SH3GL3: variants seen among roughly 807,000 people sequenced by gnomAD.
The protein encoded by SH3GL3 is SH3 domain containing GRB2 like 3, endophilin A3.
SH3GL3 carries 33 observed loss-of-function variants against 47.7 expected under a neutral mutation model. That is an observed-to-expected ratio of 0.69 (90% CI 0.52 to 0.92). The LOEUF is 0.92. Among genes scored for constraint, SH3GL3 ranks in the 40% least tolerant of loss-of-function variants. The probability of loss-of-function intolerance (pLI) is 0.00; values close to 1 mark genes in which losing one functional copy is unlikely to be tolerated. For synonymous variants in SH3GL3, 155 were observed against 148.8 expected (o/e 1.04, Z -0.30); for missense variants, 363 against 417.8 (o/e 0.87, Z 1.14).
chr15:83,511,005 G>C (rs553851402), intron 1 of SH3GL3, among the ~76,000 whole-genome samples: 1 of 151,908 alleles, frequency 6.6e-6, no homozygotes, highest in African/African-American at 2.4e-5. Context: ...GGTGGGGAGA[G>C]GGGGGCGGGA....
rs111704318 is a variant in SH3GL3, at chr15:83,565,426, C to T, written c.187+220C>T. The T allele has an allele frequency of 6.7e-4, 329 of 493,620 alleles. 4 individuals are homozygous for T. The highest frequency in any genetic ancestry group is 5.6e-3 in the South Asian group (217 of 38,634). 30.6% of individuals were successfully genotyped at this position (493,620 alleles called of 1,614,324 possible). ...TTTGTGAATTTCAGTTGACATCATC[C>T]GAATGGAGTGCTGGTCATAGCAACA... On this transcript the variant is annotated intron_variant, in intron 3 of 8. Coordinates refer to ENST00000427482, the MANE Select transcript of SH3GL3 (RefSeq NM_003027.5).
At chr15:83,558,583 C>T (rs1026735671) in intron 1 of SH3GL3, among the ~76,000 whole-genome samples, 3 of 152,016 alleles carry the variant, frequency 2.0e-5, no homozygotes, top group Admixed American at 2.0e-4. Flanking sequence ...TCTTGCAGTG[C>T]ACAGGACAGC....
At chr15:83,450,764 T>C (rs1342193012) in intron 1 of SH3GL3, among the ~76,000 whole-genome samples, 1 of 140,190 alleles carries the variant, frequency 7.1e-6, no homozygotes, top group Non-Finnish European at 1.5e-5. Flanking sequence ...TTTTTCTTTT[T>C]TTTTTTTTTT....
chr15:83,599,013 T>A (rs1357645208), intron 8 of SH3GL3, among the ~76,000 whole-genome samples: 1 of 152,200 alleles, frequency 6.6e-6, no homozygotes, highest in East Asian at 1.9e-4. Flanking sequence ...CTGAAGACTA[T>A]TTTTTGTTGT....
intron 8 of SH3GL3, among the ~76,000 whole-genome samples, chr15:83,612,978 A>G (rs1413855456): frequency 2.6e-5 from 4 of 152,192 alleles, no homozygotes; most frequent in African/African-American, 9.7e-5. Flanking sequence ...AAAGCTAAAC[A>G]TTGACTGCTT....
intron 1 of SH3GL3, among the ~76,000 whole-genome samples, chr15:83,468,119 T>G (rs936812897): frequency 6.6e-6 from 1 of 152,244 alleles, no homozygotes; most frequent in African/African-American, 2.4e-5. Context: ...CATGAGCCAC[T>G]GCGCCCTGCC....
intron 1 of SH3GL3, among the ~76,000 whole-genome samples, chr15:83,541,365 G>C (rs1411640706): frequency 9.8e-6 from 1 of 102,534 alleles, no homozygotes; most frequent in African/African-American, 3.9e-5. Flanking sequence ...ACGGAGTCTC[G>C]CTCTGTCGCC....
intron 8 of SH3GL3, among the ~76,000 whole-genome samples, chr15:83,591,843 G>A (rs1427313848): frequency 6.6e-6 from 1 of 152,012 alleles, no homozygotes; most frequent in Non-Finnish European, 1.5e-5. Flanking sequence ...CCGATACCGT[G>A]CCTGGCTAAT....
At chr15:83,478,655 A>G (rs2041204747) in intron 1 of SH3GL3, among the ~76,000 whole-genome samples, 1 of 152,240 alleles carries the variant, frequency 6.6e-6, no homozygotes, top group African/African-American at 2.4e-5. Flanking sequence ...AGAATCAGAG[A>G]GACCTGGCTG....
chr15:83,527,031 G>T (rs574347074), intron 1 of SH3GL3, among the ~76,000 whole-genome samples: 2 of 152,268 alleles, frequency 1.3e-5, no homozygotes, highest in South Asian at 4.1e-4. Context: ...TAGGCGTAAA[G>T]AAATGCTACT....
chr15:83,600,352 G>A (rs2060347775), intron 8 of SH3GL3, among the ~76,000 whole-genome samples: 2 of 152,166 alleles, frequency 1.3e-5, no homozygotes, highest in Admixed American at 1.3e-4. Flanking sequence ...GATCCACGTT[G>A]AGTTGATTTT....
intron 1 of SH3GL3, among the ~76,000 whole-genome samples, chr15:83,545,418 ACTGTATTAT>A (rs1165752985): frequency 6.6e-6 from 1 of 152,132 alleles, no homozygotes; most frequent in East Asian, 1.9e-4. Context: ...GAATTCCTTC[ACTGTATTAT>A]CTTGGATTTC....
At chr15:83,571,023 T>G (rs775645270) in intron 4 of SH3GL3, among the ~76,000 whole-genome samples, 7 of 152,302 alleles carry the variant, frequency 4.6e-5, no homozygotes, top group African/African-American at 7.2e-5. Flanking sequence ...AGAGAGCTGA[T>G]GTCAGCAGGG....
At chr15:83,562,030 A>C (rs1197742964) in intron 2 of SH3GL3, among the ~76,000 whole-genome samples, 3 of 132,978 alleles carry the variant, frequency 2.3e-5, no homozygotes, top group African/African-American at 8.2e-5. Flanking sequence ...ACACACACAC[A>C]ACACACACAC....
intron 1 of SH3GL3, among the ~76,000 whole-genome samples, chr15:83,469,398 T>A (rs1289975705): frequency 6.6e-6 from 1 of 152,150 alleles, no homozygotes. Context: ...CACACCAGGT[T>A]CTTGAGGGAA....
At chr15:83,450,192 G>A (rs1004049513) in intron 1 of SH3GL3, among the ~76,000 whole-genome samples, 1 of 152,160 alleles carries the variant, frequency 6.6e-6, no homozygotes, top group African/African-American at 2.4e-5. Context: ...AAATGATTGT[G>A]GCAATGGTTT....
intron 1 of SH3GL3, among the ~76,000 whole-genome samples, chr15:83,464,233 A>G (rs2040456838): frequency 6.6e-6 from 1 of 152,190 alleles, no homozygotes; most frequent in South Asian, 2.1e-4. Flanking sequence ...TTCTCTGCTT[A>G]CAACACCTTC....
intron 1 of SH3GL3, among the ~76,000 whole-genome samples, chr15:83,456,798 C>T (rs536726462): frequency 4.5e-4 from 68 of 151,964 alleles, no homozygotes; most frequent in Non-Finnish European, 5.7e-4. Context: ...AGCTGTAGAC[C>T]GGAGCTGTTC....
intron 6 of SH3GL3, among the ~76,000 whole-genome samples, chr15:83,585,390 T>G (rs534419665): frequency 2.0e-5 from 3 of 152,316 alleles, no homozygotes; most frequent in Admixed American, 1.3e-4. Flanking sequence ...TCAAGAAATA[T>G]TAATTTAGCT....
Sources: allele counts gnomAD v4.1 joint callset (sites outside exome capture counted in the v4.1 genomes callset), GRCh38; gene constraint gnomAD v4.1.1; transcripts MANE v1.5; gene names NCBI Gene and HGNC (gene_info 2026-07-23, HGNC 2026-07-21).